BID: variants seen among roughly 807,000 people sequenced by gnomAD.
BID encodes BH3-interacting domain death agonist.
In BID, 19 loss-of-function variants were observed where a neutral mutation model predicts 17.4. The ratio of observed to expected loss-of-function variants is 1.09; its 90% CI spans 0.76 to 1.60. The LOEUF (loss-of-function observed/expected upper bound fraction) is 1.60. Ranked by LOEUF, BID falls within the 40% of genes most tolerant of loss-of-function variation. The pLI, the probability that BID is intolerant of heterozygous loss-of-function variation, is 0.00. For synonymous variants in BID, 108 were observed against 102.8 expected, an observed-to-expected ratio of 1.05 and a Z score of -0.31; for missense variants, 226 against 256.0, an observed-to-expected ratio of 0.88 and a Z score of 0.80.
At chr22:17,744,745 C>T (rs1157811435) in intron 2 of BID, among the ~76,000 whole-genome samples, 1 of 152,230 alleles carries the variant, frequency 6.6e-6, no homozygotes, top group African/African-American at 2.4e-5. Context: ...ATGGCAGGGA[C>T]TGTTCTTGGG....
chr22:17,763,431 A>T (rs1209969468), intron 1 of BID, among the ~76,000 whole-genome samples: 1 of 152,006 alleles, frequency 6.6e-6, no homozygotes, highest in Non-Finnish European at 1.5e-5. Flanking sequence ...TTTAGTAGAG[A>T]CCGGGTTCCT....
chr22:17,747,529 C>G (rs1313905878), intron 2 of BID, among the ~76,000 whole-genome samples: 1 of 152,014 alleles, frequency 6.6e-6, no homozygotes. Context: ...CCATGTTGGC[C>G]AGGCTGGTCT....
intron 1 of BID, among the ~76,000 whole-genome samples, chr22:17,766,040 C>T (rs1374559492): frequency 6.6e-6 from 1 of 152,092 alleles, no homozygotes; most frequent in African/African-American, 2.4e-5. Flanking sequence ...GCGATCCTCC[C>T]CCCTCAGCCT....
intron 2 of BID, among the ~76,000 whole-genome samples, chr22:17,746,548 G>A (rs1237598950): frequency 6.6e-6 from 1 of 152,208 alleles, no homozygotes; most frequent in Admixed American, 6.5e-5. Flanking sequence ...GACACAGTTA[G>A]TGCTGGGCTA....
intron 1 of BID, among the ~76,000 whole-genome samples, chr22:17,755,341 G>A (rs1291460096): frequency 1.3e-5 from 2 of 152,142 alleles, no homozygotes; most frequent in East Asian, 3.9e-4. Context: ...CTCCAACCCG[G>A]AAATGTGAAC....
At chr22:17,760,843 T>C (rs1378866509) in intron 1 of BID, among the ~76,000 whole-genome samples, 1 of 152,210 alleles carries the variant, frequency 6.6e-6, no homozygotes, top group Admixed American at 6.5e-5. Flanking sequence ...ATAACGATTT[T>C]CTAATGCATC....
At chr22:17,753,105 T>C (rs1360622316) in intron 1 of BID, among the ~76,000 whole-genome samples, 1 of 149,578 alleles carries the variant, frequency 6.7e-6, no homozygotes, top group Non-Finnish European at 1.5e-5. Context: ...TAGCTAGGAC[T>C]ACAGGCGCCC....
chr22:17,769,493 G>A lies in BID; in HGVS notation c.-59+4888C>T, dbSNP rs961094193. Among the ~76,000 whole-genome samples, 1 of 152,232 alleles carries A rather than the reference G, an allele frequency of 6.6e-6. No individual in the cohort carries two copies. Among genetic ancestry groups the A allele is most frequent in the African/African-American group, 2.4e-5 (1 of 41,466 alleles). On this transcript the variant is annotated intron_variant, in intron 1 of 5. Coordinates refer to ENST00000622694, the MANE Select transcript of BID (RefSeq NM_001196.4). This position sits in a 1 kb window ranked among gnomAD's most constrained non-coding sequence, Gnocchi z 4.8. ...GGGGAAGTGGGGCTTGGGTAAACAG[G>A]AACGGACGTGGCCATCAGGCCGGAA...
chr22:17,739,844 G>T, intron 3 of BID: 1 of 605,310 alleles, frequency 1.7e-6, no homozygotes, highest in Non-Finnish European at 2.9e-6. Flanking sequence ...GTTGGCCTTG[G>T]CCTGGGCAGC....
rs76337019 is a variant in BID, at chr22:17,746,644, A to G, written c.13-2631T>C. ...TTATTTGAAAATAAGGTTTTTACAGATGTAATCAAGTTAAGATGAGGTCAT... is the reference window on the plus strand; with the variant it reads ...TTATTTGAAAATAAGGTTTTTACAGGTGTAATCAAGTTAAGATGAGGTCAT... On this transcript the variant is annotated intron_variant, in intron 2 of 5. Transcript: ENST00000622694. Among the ~76,000 whole-genome samples, 1,203 of 152,344 alleles carry G rather than the reference A, an allele frequency of 7.9e-3. 14 individuals are homozygous for G. Among genetic ancestry groups the G allele is most frequent in the Non-Finnish European group, 0.013 (883 of 68,030 alleles).
At position 17,750,167 on chromosome 22, in the gene BID, G is replaced by T. The variant is rs903039553; in HGVS notation, c.-51C>A. The T allele has an allele frequency of 6.2e-7, 1 of 1,612,786 alleles. No individual in the cohort carries two copies. The highest frequency in any genetic ancestry group is 8.5e-7 in the Non-Finnish European group (1 of 1,179,730). ...CTCACTCCTGGTTCACAGTGTCCCA[G>T]TGGCGACCTGGAAAGGGACACACAG... is the stretch of plus-strand genomic sequence containing the variant. On this transcript the variant is annotated 5_prime_UTR_variant, in exon 2 of 6. It adds an upstream start codon to the 5' untranslated region. Transcript: ENST00000622694.
intron 1 of BID, among the ~76,000 whole-genome samples, chr22:17,770,285 C>T (rs183680375): frequency 3.7e-4 from 57 of 152,320 alleles, no homozygotes; most frequent in African/African-American, 1.2e-3. Context: ...GGGCTTTGAA[C>T]CTGCAATGTG....
chr22:17,759,667 G>A (rs1454455855), intron 1 of BID, among the ~76,000 whole-genome samples: 1 of 152,126 alleles, frequency 6.6e-6, no homozygotes, highest in Admixed American at 6.5e-5. Flanking sequence ...AGGCCAGCCT[G>A]GGCAACATAG....
At position 17,744,004 on chromosome 22, in the gene BID, C is replaced by T. The variant is rs770121452; in HGVS notation, c.22G>A (p.Gly8Ser). 5.0e-6 allele frequency: 8 copies of T among 1,613,526 alleles called. No homozygotes were observed. The Admixed American group carries it at 5.0e-5, about 10-fold the overall frequency. Reference sequence around the variant, plus strand: ...ATGCACTCATCCCTGAGGCTGGAACCGTTGTTGACCTGAGGGGAAAGGGGA... The same window carrying T: ...ATGCACTCATCCCTGAGGCTGGAACTGTTGTTGACCTGAGGGGAAAGGGGA... MDCEVNN[G>S]SSLRDECITN... Residue 8 changes from glycine to serine, a missense_variant, in exon 3 of 6, where the codon GGT (glycine) becomes AGT (serine). Transcript: ENST00000622694.
intron 3 of BID, among the ~76,000 whole-genome samples, chr22:17,742,705 C>T (rs2061469242): frequency 6.6e-6 from 1 of 152,212 alleles, no homozygotes; most frequent in African/African-American, 2.4e-5. Flanking sequence ...TCTGGGCAGT[C>T]TCCCGCCCTA....
At chr22:17,750,805 G>A (rs919580239) in intron 1 of BID, among the ~76,000 whole-genome samples, 2 of 152,160 alleles carry the variant, frequency 1.3e-5, no homozygotes, top group African/African-American at 4.8e-5. Flanking sequence ...TCCAGCCTGG[G>A]CGACAGAGCG....
At position 17,773,202 on chromosome 22, in the gene BID, G is replaced by T. The variant is rs2061733493; in HGVS notation, c.-59+1179C>A. 6.6e-6 allele frequency among the ~76,000 whole-genome samples: 1 copy of T among 152,104 alleles called. No individual in the cohort carries two copies. The highest frequency in any genetic ancestry group is 2.4e-5 in the African/African-American group (1 of 41,408). ...CGCAGGCAGAGGCTTGGCCAGGGTC[G>T]TCCTCCCGGCAGTGCCTCCCTGGAG... On this transcript the variant is annotated intron_variant, in intron 1 of 5. Coordinates refer to ENST00000622694, the MANE Select transcript of BID (RefSeq NM_001196.4). The surrounding 1 kb of genome is among the most constrained non-coding windows in gnomAD (Gnocchi z 4.4).
chr22:17,755,209 C>T (rs1023360279), intron 1 of BID, among the ~76,000 whole-genome samples: 50 of 151,752 alleles, frequency 3.3e-4, no homozygotes, highest in African/African-American at 1.0e-3. Context: ...CTCAGCCTCC[C>T]GAGTAGATGG....
intron 1 of BID, among the ~76,000 whole-genome samples, chr22:17,763,774 A>G (rs1357240030): frequency 2.6e-5 from 4 of 151,962 alleles, no homozygotes; most frequent in Non-Finnish European, 5.9e-5. Flanking sequence ...AAAAGAGGGA[A>G]AAGAGGAGGG....
Sources: allele counts gnomAD v4.1 joint callset (sites outside exome capture counted in the v4.1 genomes callset), GRCh38; gene constraint gnomAD v4.1.1; non-coding constraint Gnocchi (gnomAD v3.1); transcripts MANE v1.5; gene names NCBI Gene and HGNC (gene_info 2026-07-23, HGNC 2026-07-21).